Variants in ADK observed in about 807,000 individuals in gnomAD.
ADK encodes adenosine kinase, also known as N6,N6-dimethyladenosine kinase.
Under a neutral mutation model 44.7 loss-of-function variants are expected in ADK, and 24 were observed. That is an observed-to-expected ratio of 0.54 (90% CI 0.39 to 0.76). ADK has a LOEUF of 0.76. Among genes scored for constraint, ADK ranks in the 30% least tolerant of loss-of-function variants. The probability of loss-of-function intolerance (pLI) is 0.00; values close to 1 mark genes in which losing one functional copy is unlikely to be tolerated. For synonymous variants in ADK, 128 were observed against 142.6 expected (o/e 0.90, Z 0.73); for missense variants, 321 against 425.1 (o/e 0.76, Z 2.15).
intron 6 of ADK, among the ~76,000 whole-genome samples, chr10:74,421,217 A>T (rs1476131136): frequency 6.6e-6 from 1 of 152,186 alleles, no homozygotes; most frequent in African/African-American, 2.4e-5. Flanking sequence ...ACTAAGGAAC[A>T]CTATAGAAAC....
At chr10:74,642,259 A>C (rs1356806040) in intron 9 of ADK, among the ~76,000 whole-genome samples, 1 of 152,140 alleles carries the variant, frequency 6.6e-6, no homozygotes, top group African/African-American at 2.4e-5. Flanking sequence ...TTTATTTTCT[A>C]ATACAGTAAA....
chr10:74,631,502 C>T (rs1037388810), intron 9 of ADK, among the ~76,000 whole-genome samples: 1 of 151,740 alleles, frequency 6.6e-6, no homozygotes, highest in African/African-American at 2.4e-5. Flanking sequence ...AGGTGATCCA[C>T]CCGCCTCAGC....
chr10:74,316,354 G>A (rs1840619557), intron 4 of ADK, among the ~76,000 whole-genome samples: 3 of 152,112 alleles, frequency 2.0e-5, no homozygotes, highest in Admixed American at 2.0e-4. Context: ...GGGTGATATG[G>A]TTAGGCTTTG....
intron 6 of ADK, among the ~76,000 whole-genome samples, chr10:74,500,314 G>A (rs944610223): frequency 2.0e-5 from 3 of 152,160 alleles, no homozygotes; most frequent in Admixed American, 2.0e-4. Flanking sequence ...ACATTTTGTA[G>A]TAGGCCTCCT....
chr10:74,246,838 C>G (rs1217085355), intron 3 of ADK, among the ~76,000 whole-genome samples: 2 of 151,984 alleles, frequency 1.3e-5, no homozygotes, highest in African/African-American at 4.8e-5. Context: ...AAGAGATTTG[C>G]AAAGATTATA....
At chr10:74,163,721 C>T (rs909870963) in intron 1 of ADK, among the ~76,000 whole-genome samples, 1 of 152,040 alleles carries the variant, frequency 6.6e-6, no homozygotes, top group African/African-American at 2.4e-5. Context: ...CCTTCTTAGC[C>T]CTAGAATGGC....
intron 7 of ADK, among the ~76,000 whole-genome samples, chr10:74,574,324 C>T (rs1243648399): frequency 2.6e-5 from 4 of 152,116 alleles, no homozygotes; most frequent in African/African-American, 9.7e-5. Context: ...GCGCATGCCA[C>T]CACGCCCTGT....
At chr10:74,474,942 A>G (rs376613415) in intron 6 of ADK, among the ~76,000 whole-genome samples, 10 of 152,304 alleles carry the variant, frequency 6.6e-5, no homozygotes, top group African/African-American at 2.2e-4. Context: ...TCTGACCAAC[A>G]TGGTGAAACC....
intron 10 of ADK, among the ~76,000 whole-genome samples, chr10:74,685,221 T>G (rs1219975775): frequency 6.6e-6 from 1 of 152,218 alleles, no homozygotes; most frequent in Non-Finnish European, 1.5e-5. Context: ...AAAAATAAGT[T>G]TGACCATTAT....
In ADK at chr10:74,156,133, G is replaced by A. The variant is rs898635243; in HGVS notation, c.65+4790G>A. On this transcript the variant is annotated intron_variant, in intron 1 of 10. Transcript: ENST00000539909. ...GGAAAGCTTGCATGGATGGTTCTGG[G>A]TATCCAGGGACAAGCATGGAAGTGC... Among the ~76,000 whole-genome samples, 4 of 152,236 alleles carry A rather than the reference G, an allele frequency of 2.6e-5. 1 individual carries two copies. Among genetic ancestry groups the A allele is most frequent in the African/African-American group, 4.8e-5 (2 of 41,540 alleles).
chr10:74,258,955 T>G (rs1479235221), intron 3 of ADK, among the ~76,000 whole-genome samples: 1 of 143,138 alleles, frequency 7.0e-6, no homozygotes, highest in Non-Finnish European at 1.5e-5. Flanking sequence ...GTGTTTTTTT[T>G]TTTTTTTTTT....
At chr10:74,593,375 G>A (rs1234644676) in intron 8 of ADK, among the ~76,000 whole-genome samples, 4 of 152,024 alleles carry the variant, frequency 2.6e-5, no homozygotes, top group Non-Finnish European at 5.9e-5. Context: ...CAAGGTGGAA[G>A]TGACCAGAGA....
chr10:74,424,391 G>A (rs575310071), intron 6 of ADK, among the ~76,000 whole-genome samples: 16 of 151,684 alleles, frequency 1.1e-4, no homozygotes, highest in African/African-American at 3.9e-4. Flanking sequence ...AAAATTAGCC[G>A]GGCATGGCAG....
At chr10:74,389,087 C>T (rs1843252728) in intron 4 of ADK, among the ~76,000 whole-genome samples, 2 of 152,236 alleles carry the variant, frequency 1.3e-5, no homozygotes, top group Admixed American at 6.5e-5. Flanking sequence ...TAGGTGTTTC[C>T]TTTTGGTTTT....
At chr10:74,498,589 A>G (rs536937155) in intron 6 of ADK, among the ~76,000 whole-genome samples, 11 of 152,320 alleles carry the variant, frequency 7.2e-5, no homozygotes, top group African/African-American at 1.7e-4. Context: ...GGTTAGTTAC[A>G]TATGTATACA....
At chr10:74,563,245 C>T (rs1343695588) in intron 7 of ADK, among the ~76,000 whole-genome samples, 3 of 152,162 alleles carry the variant, frequency 2.0e-5, no homozygotes, top group South Asian at 4.1e-4. Flanking sequence ...GTTTTTAAGA[C>T]AGTTGAGCTC....
chr10:74,360,046 AT>A, intron 4 of ADK, among the ~76,000 whole-genome samples: 1 of 152,308 alleles, frequency 6.6e-6, no homozygotes, highest in South Asian at 2.1e-4. Flanking sequence ...GGTCTAATTA[AT>A]ATATTAGACT....
intron 1 of ADK, among the ~76,000 whole-genome samples, chr10:74,171,338 C>A (rs1842154681): frequency 6.6e-6 from 1 of 152,050 alleles, no homozygotes; most frequent in Non-Finnish European, 1.5e-5. Flanking sequence ...ATTTATACTC[C>A]CATTAATTTT....
intron 1 of ADK, among the ~76,000 whole-genome samples, chr10:74,189,233 G>T (rs1842878532): frequency 6.6e-6 from 1 of 152,118 alleles, no homozygotes; most frequent in African/African-American, 2.4e-5. Context: ...TCATTTAGAA[G>T]TTTATTGTTT....
Sources: gnomAD v4.1 joint callset for allele counts (sites outside exome capture counted in the v4.1 genomes callset) on GRCh38, gnomAD v4.1.1 for gene constraint, MANE v1.5 for transcripts, NCBI Gene and HGNC (gene_info 2026-07-23, HGNC 2026-07-21) for gene names.